Variants in KCNU1 observed in about 807,000 individuals in gnomAD.
KCNU1 encodes potassium calcium-activated channel subfamily U member 1.
Under a neutral mutation model 126.8 loss-of-function variants are expected in KCNU1, and 93 were observed. The ratio of observed to expected loss-of-function variants is 0.73; its 90% CI spans 0.62 to 0.87. KCNU1 has a LOEUF of 0.87. Among genes scored for constraint, KCNU1 ranks in the 40% least tolerant of loss-of-function variants. The pLI, the probability that KCNU1 is intolerant of heterozygous loss-of-function variation, is 0.00. For synonymous variants in KCNU1, 523 were observed against 494.2 expected, an observed-to-expected ratio of 1.06 and a Z score of -0.77; for missense variants, 1,330 against 1,367.1, an observed-to-expected ratio of 0.97 and a Z score of 0.43.
At chr8:36,850,881 C>G (rs1051087395) in intron 18 of KCNU1, among the ~76,000 whole-genome samples, 2 of 152,192 alleles carry the variant, frequency 1.3e-5, no homozygotes, top group Non-Finnish European at 2.9e-5. Flanking sequence ...TGTCAAAAAA[C>G]AATTGACTTT....
chr8:36,816,287 T>G (rs1803908408), intron 9 of KCNU1, among the ~76,000 whole-genome samples: 2 of 152,186 alleles, frequency 1.3e-5, no homozygotes, highest in Non-Finnish European at 2.9e-5. Context: ...GTTTTTATAT[T>G]ATTTCTTCTT....
intron 22 of KCNU1, among the ~76,000 whole-genome samples, chr8:36,912,464 G>C (rs1807913857): frequency 6.6e-6 from 1 of 152,130 alleles, no homozygotes; most frequent in Non-Finnish European, 1.5e-5. Flanking sequence ...ATATCAAAGT[G>C]CCATGAACAG....
chr8:36,915,898 T>C (rs1808081644), intron 22 of KCNU1, among the ~76,000 whole-genome samples: 1 of 150,480 alleles, frequency 6.6e-6, no homozygotes, highest in African/African-American at 2.5e-5. Context: ...AGTTCTATCA[T>C]GGAGTAGATA....
intron 26 of KCNU1, 146 bp downstream of exon 26, chr8:36,933,178 A>G: frequency 1.7e-6 from 1 of 585,036 alleles, no homozygotes; most frequent in Non-Finnish European, 3.0e-6. Context: ...ATGTAAGAAT[A>G]AGGAGGGATT....
intron 10 of KCNU1, among the ~76,000 whole-genome samples, chr8:36,824,926 T>C (rs1804261650): frequency 6.6e-6 from 1 of 152,196 alleles, no homozygotes; most frequent in Non-Finnish European, 1.5e-5. Flanking sequence ...TTGGCTATTA[T>C]AAAGAATGGT....
At chr8:36,858,315 C>G (rs1805608321) in intron 18 of KCNU1, among the ~76,000 whole-genome samples, 1 of 150,538 alleles carries the variant, frequency 6.6e-6, no homozygotes, top group African/African-American at 2.4e-5. Context: ...AAAATGTCTT[C>G]AAGACTTTAT....
chr8:36,834,293 C>G (rs183031100), intron 11 of KCNU1, among the ~76,000 whole-genome samples: 269 of 152,286 alleles, frequency 1.8e-3, no homozygotes, highest in Non-Finnish European at 2.9e-3. Flanking sequence ...AAATATTTCT[C>G]TTTCCTGCAG....
chr8:36,896,760 A>T (rs1396705228), intron 19 of KCNU1, among the ~76,000 whole-genome samples: 1 of 152,068 alleles, frequency 6.6e-6, no homozygotes, highest in Non-Finnish European at 1.5e-5. Flanking sequence ...CATGATTGGG[A>T]ATCTATTTCA....
chr8:36,886,818 T>C (rs1443567726), intron 19 of KCNU1, among the ~76,000 whole-genome samples: 3 of 152,178 alleles, frequency 2.0e-5, no homozygotes, highest in African/African-American at 4.8e-5. Context: ...CCCTTCTGAA[T>C]CTTCAGTATC....
At position 36,845,781 on chromosome 8, in the gene KCNU1, T is replaced by C. The variant is rs773751489; in HGVS notation, c.1794-21T>C. On this transcript the variant is annotated intron_variant, in intron 17 of 26. Transcript: ENST00000399881. ...CATTAAGACTCACATAATTCATTCTTGGTTTTCTTTCATTGTCCAGAGCCT... is the reference window on the plus strand; with the variant it reads ...CATTAAGACTCACATAATTCATTCTCGGTTTTCTTTCATTGTCCAGAGCCT... 8.3e-6 allele frequency: 13 copies of C among 1,566,536 alleles called. No homozygotes were observed. In the South Asian group the frequency reaches 1.2e-4, roughly 15 times the overall value.
intron 22 of KCNU1, among the ~76,000 whole-genome samples, chr8:36,914,764 T>C (rs1358816660): frequency 6.6e-6 from 1 of 152,184 alleles, no homozygotes; most frequent in South Asian, 2.1e-4. Flanking sequence ...CTGAACTAAA[T>C]AATCTGTGGC....
chr8:36,839,510 C>T (rs961008199), intron 14 of KCNU1, among the ~76,000 whole-genome samples: 3 of 152,190 alleles, frequency 2.0e-5, no homozygotes, highest in African/African-American at 7.2e-5. Context: ...GGAAAAGATT[C>T]ATTCAGCTGA....
rs762587261 is a variant in KCNU1 at position 36,784,576 on chromosome 8, C to A, written c.166C>A (p.Gln56Lys). The change falls in exon 1 of 27, where the codon CAA (glutamine) becomes AAA (lysine). Residue 56 changes from glutamine (Q) to lysine (K), a missense_variant. Physicochemically the swap from Gln to Lys is moderately conservative, Grantham distance 53. Transcript: ENST00000399881. ...RLIWRSVKKW[Q>K]IIKGTGIILE... ...GATCTGGAGATCTGTTAAAAAATGG[C>A]AAATCATCAAGGGAACAGGAATTAT... is the stretch of plus-strand genomic sequence containing the variant. 1.2e-6 allele frequency: 2 copies of A among 1,613,226 alleles called. 1 individual carries two copies. The highest frequency in any genetic ancestry group is 2.2e-5 in the South Asian group (2 of 90,930).
intron 2 of KCNU1, among the ~76,000 whole-genome samples, chr8:36,798,844 G>C (rs1384672519): frequency 6.6e-6 from 1 of 152,116 alleles, no homozygotes; most frequent in Non-Finnish European, 1.5e-5. Flanking sequence ...GCTGCACTCT[G>C]ACCACCTTGG....
intron 22 of KCNU1, among the ~76,000 whole-genome samples, chr8:36,916,231 C>A (rs1264484590): frequency 5.5e-5 from 6 of 110,008 alleles, no homozygotes; most frequent in Middle Eastern, 8.8e-3. Context: ...AAAGGGAAGG[C>A]AAAGAAAGGA....
rs910928651 is a variant in KCNU1 at position 36,806,283 on chromosome 8, T to A, written c.483T>A (p.Asp161Glu). ...CTATTTCATAGTTTATGGCAGCTGA[T>A]GACAAGATCAAGTTCTGGCTGGAGA... ...FYFGLRFMAA[D>E]DKIKFWLEMN... The change falls in exon 5 of 27, where the codon GAT becomes GAA. Residue 161 changes from aspartate to glutamate, a missense_variant. Physicochemically the swap from Asp to Glu is conservative, Grantham distance 45. Transcript: ENST00000399881. The A allele has an allele frequency of 2.5e-6, 4 of 1,608,216 alleles. No homozygotes were observed.
intron 19 of KCNU1, among the ~76,000 whole-genome samples, chr8:36,888,180 T>C (rs995436255): frequency 2.6e-5 from 4 of 152,122 alleles, no homozygotes; most frequent in African/African-American, 9.7e-5. Flanking sequence ...GAAATAAGTA[T>C]GATTAATATG....
chr8:36,814,178 T>C (rs1272572513), intron 7 of KCNU1, 29 bp from the exon 8 acceptor site: 2 of 1,583,422 alleles, frequency 1.3e-6, no homozygotes, highest in East Asian at 2.2e-5. Context: ...TCTATTCAGA[T>C]GTTTCCTGAG....
chr8:36,927,062 G>A (rs761209038), intron 24 of KCNU1, among the ~76,000 whole-genome samples: 10 of 151,768 alleles, frequency 6.6e-5, no homozygotes, highest in South Asian at 2.1e-4. Context: ...TCTCTCCACC[G>A]CCCCTAATAA....
Sources: allele counts gnomAD v4.1 joint callset (sites outside exome capture counted in the v4.1 genomes callset), GRCh38; gene constraint gnomAD v4.1.1; transcripts MANE v1.5; gene names NCBI Gene and HGNC (gene_info 2026-07-23, HGNC 2026-07-21).